ZNF574: variants seen among roughly 807,000 people sequenced by gnomAD.
ZNF574 encodes zinc finger protein 574.
A neutral mutation model predicts 56.6 loss-of-function variants in ZNF574; 25 were observed. The ratio of observed to expected loss-of-function variants is 0.44; its 90% confidence interval spans 0.32 to 0.62. The LOEUF (loss-of-function observed/expected upper bound fraction) is 0.62. ZNF574 is among the 20% of genes least tolerant of loss of function. The pLI is 0.04. For synonymous variants in ZNF574, 543 were observed against 492.1 expected, an observed-to-expected ratio of 1.10 and a Z score of -1.37; for missense variants, 1,065 against 1,218.9, an observed-to-expected ratio of 0.87 and a Z score of 1.88.
chr19:42,074,985 T>G (rs2076446418), upstream of ZNF574: 1 of 152,174 alleles, frequency 6.6e-6, no homozygotes, highest in Non-Finnish European at 1.5e-5. Flanking sequence ...CTGGGTGCAA[T>G]CAAATCTCGA....
In ZNF574 at chr19:42,079,441, C is replaced by T. The variant is rs376269644; in HGVS notation, c.835C>T (p.Arg279Cys). 1.3e-5 allele frequency: 21 copies of T among 1,613,460 alleles called. No homozygotes were observed. Among genetic ancestry groups the T allele is most frequent in the Admixed American group, 1.7e-5 (1 of 60,008 alleles). The change falls in exon 2 of 2, where the codon CGC (arginine) becomes TGC (cysteine). Residue 279 changes from arginine (R) to cysteine (C), a missense_variant. Physicochemically the swap from Arg to Cys is radical, Grantham distance 180. Transcript: ENST00000359044. This position sits in a 1 kb window ranked among gnomAD's most constrained non-coding sequence, Gnocchi z 4.3. ...AGCTTCTGACCACAGTTACGAGCTG[C>T]GCAATGGTGAAGCCATTGGGCGGGA... ...LPASDHSYEL[R>C]NGEAIGRDRR...
At position 42,080,204 on chromosome 19, in the gene ZNF574, A is replaced by G. The variant is rs377438886; in HGVS notation, c.1598A>G (p.Asn533Ser). 6.2e-7 allele frequency: 1 copy of G among 1,613,068 alleles called. No homozygotes were observed. The highest frequency in any genetic ancestry group is 1.3e-5 in the African/African-American group (1 of 74,618). The change falls in exon 2 of 2, where the codon AAC becomes AGC. Residue 533 changes from asparagine to serine, a missense_variant. Coordinates refer to ENST00000359044, the MANE Select transcript of ZNF574 (RefSeq NM_022752.6). This position sits in a 1 kb window ranked among gnomAD's most constrained non-coding sequence, Gnocchi z 8.5. Reference sequence around the variant, plus strand: ...TGCCCTGACTGCTCCAAGCCCTTCAACTCACCTGCCAACCTGGCCCGCCAC... The same window carrying G: ...TGCCCTGACTGCTCCAAGCCCTTCAGCTCACCTGCCAACCTGGCCCGCCAC... ...FPCPDCSKPFNSPANLARHRL... is the reference protein window; with the variant it reads ...FPCPDCSKPFSSPANLARHRL...
upstream of ZNF574, among the ~76,000 whole-genome samples, chr19:42,072,230 CCTTTTCTTTTTTTTTTTTTTTT>C (rs1171666851): frequency 6.7e-6 from 1 of 149,826 alleles, no homozygotes; most frequent in East Asian, 1.9e-4. Context: ...CTTTTTTTTT[CCTTTTCTTTTTTTTTTTTTTTT>C]GAGATGGAGT....
Position 42,079,279 on chromosome 19 carries a change from C to G in ZNF574, c.673C>G (p.Leu225Val). ...KCSECSQLFQ[L>V]PADFLEHQAT... ...CTCTGAGTGCTCCCAGCTCTTCCAGCTGCCGGCGGATTTCCTGGAGCACCA... is the reference window on the plus strand; with the variant it reads ...CTCTGAGTGCTCCCAGCTCTTCCAGGTGCCGGCGGATTTCCTGGAGCACCA... Residue 225 changes from leucine (L) to valine (V), a missense_variant, in exon 2 of 2, where the codon CTG (leucine) becomes GTG (valine). Physicochemically the swap from Leu to Val is conservative, Grantham distance 32 (BLOSUM62 1). Coordinates refer to ENST00000359044, the MANE Select transcript of ZNF574 (RefSeq NM_022752.6). The surrounding 1 kb of genome is among the most constrained non-coding windows in gnomAD (Gnocchi z 4.3). 6.2e-7 allele frequency: 1 copy of G among 1,614,086 alleles called. No homozygotes were observed. The highest frequency in any genetic ancestry group is 8.5e-7 in the Non-Finnish European group (1 of 1,180,008).
chr19:42,073,163 G>A (rs1290509118), upstream of ZNF574, among the ~76,000 whole-genome samples: 1 of 152,178 alleles, frequency 6.6e-6, no homozygotes, highest in Non-Finnish European at 1.5e-5. Context: ...AGACTGTAAG[G>A]TCAACTCCTG....
At position 42,080,816 on chromosome 19, in the gene ZNF574, G is replaced by A; in HGVS notation, c.2210G>A (p.Gly737Asp). 6.2e-7 allele frequency: 1 copy of A among 1,614,058 alleles called. No homozygotes were observed. Among genetic ancestry groups the A allele is most frequent in the Non-Finnish European group, 8.5e-7 (1 of 1,180,032 alleles). ...ASPAAPARRRGLECSECKKLF... is the reference protein window; with the variant it reads ...ASPAAPARRRDLECSECKKLF... ...CCTGCGGCCCCTGCCCGCCGCCGGG[G>A]TCTAGAGTGCAGCGAGTGCAAGAAG... Residue 737 changes from glycine to aspartate, a missense_variant, in exon 2 of 2, where the codon GGT (glycine) becomes GAT (aspartate). Gly to Asp is a moderately conservative substitution (Grantham distance 94). Transcript: ENST00000359044. This position sits in a 1 kb window ranked among gnomAD's most constrained non-coding sequence, Gnocchi z 8.5.
At chr19:42,078,495 T>G (rs2076470736) in intron 1 of ZNF574, 92 bp from the exon 2 acceptor site, 2 of 1,107,562 alleles carry the variant, frequency 1.8e-6, no homozygotes, top group East Asian at 4.8e-5. Context: ...TAAGGGGGTG[T>G]AGATCTAAGG....
At position 42,080,094 on chromosome 19, in the gene ZNF574, A is replaced by T. The variant is rs370123027; in HGVS notation, c.1488A>T (p.Lys496Asn). Residue 496 changes from lysine (K) to asparagine (N), a missense_variant, in exon 2 of 2, where the codon AAA (lysine) becomes AAT (asparagine). Transcript: ENST00000359044. This position sits in a 1 kb window ranked among gnomAD's most constrained non-coding sequence, Gnocchi z 8.5. ...RFVHRLERRH[K>N]CSICGKMFKK... ...TGCATCGGCTGGAGCGGCGCCATAA[A>T]TGCAGCATTTGTGGCAAGATGTTCA... 6 of 1,613,930 alleles carry T rather than the reference A, an allele frequency of 3.7e-6. No individual in the cohort carries two copies. In the African/African-American group the frequency reaches 8.0e-5, roughly 22 times the overall value.
chr19:42,068,661 G>C, exon 1 of ZNF574: 1 of 430,366 alleles, frequency 2.3e-6, no homozygotes, highest in Non-Finnish European at 4.1e-6. Context: ...CTTGGAAAGA[G>C]GGAAGCCAGG....
chr19:42,080,602 C>T lies in ZNF574; in HGVS notation c.1996C>T (p.Arg666Cys), dbSNP rs750286501. 36 of 1,612,674 alleles carry T rather than the reference C, an allele frequency of 2.2e-5. No homozygotes were observed. In the Admixed American group the frequency reaches 4.2e-4, roughly 19 times the overall value. The change falls in exon 2 of 2, where the codon CGC (arginine) becomes TGC (cysteine). Residue 666 changes from arginine to cysteine, a missense_variant. By Grantham distance (180) the Arg-to-Cys change is radical. Coordinates refer to ENST00000359044, the MANE Select transcript of ZNF574 (RefSeq NM_022752.6). This position sits in a 1 kb window ranked among gnomAD's most constrained non-coding sequence, Gnocchi z 8.5. ...AGCCGCTGCTGCCCAGGCCCCACGG[C>T]GCTTTGAGTGTGGCACCTGTGGCAA... is the stretch of plus-strand genomic sequence containing the variant. Reference protein sequence around the residue: ...CAAAAAQAPRRFECGTCGKKV... With the variant: ...CAAAAAQAPRCFECGTCGKKV...
Position 42,080,939 on chromosome 19 carries a change from G to A in ZNF574, c.2333G>A (p.Ser778Asn). Residue 778 changes from serine (S) to asparagine (N), a missense_variant, in exon 2 of 2, where the codon AGT becomes AAT. Transcript: ENST00000359044. The surrounding 1 kb of genome is among the most constrained non-coding windows in gnomAD (Gnocchi z 8.5). ...CPDCGKAFRQ[S>N]THLKDHRRLH... is the part of the protein sequence containing the mutation. ...GACTGTGGCAAAGCGTTCCGTCAGA[G>A]TACCCACCTGAAAGACCACCGGCGC... 1 of 1,613,830 alleles carries A rather than the reference G, an allele frequency of 6.2e-7. No individual in the cohort carries two copies.
intron 1 of ZNF574, among the ~76,000 whole-genome samples, chr19:42,077,453 G>A (rs1243586599): frequency 2.0e-5 from 3 of 152,098 alleles, no homozygotes; most frequent in East Asian, 1.9e-4. Flanking sequence ...AAAAGATTAG[G>A]TTAATAATGT....
chr19:42,079,355 A>G lies in ZNF574; in HGVS notation c.749A>G (p.Gln250Arg). ...CCCGAGTCTCAGGAGCCTGCCTTACAGCAGGAGGTGCAGGCCTCGTCACCT... is the reference window on the plus strand; with the variant it reads ...CCCGAGTCTCAGGAGCCTGCCTTACGGCAGGAGGTGCAGGCCTCGTCACCT... ...PVPESQEPALQQEVQASSPAE... is the reference protein window; with the variant it reads ...PVPESQEPALRQEVQASSPAE... The change falls in exon 2 of 2, where the codon CAG (glutamine) becomes CGG (arginine). Residue 250 changes from glutamine to arginine, a missense_variant. By Grantham distance (43) the Gln-to-Arg change is conservative (BLOSUM62 1). Transcript: ENST00000359044. The surrounding 1 kb of genome is among the most constrained non-coding windows in gnomAD (Gnocchi z 4.3). The G allele has an allele frequency of 6.2e-7, 1 of 1,613,510 alleles. No homozygotes were observed. The highest frequency in any genetic ancestry group is 1.1e-5 in the South Asian group (1 of 91,086).
At chr19:42,071,324 T>G, upstream of ZNF574, among the ~76,000 whole-genome samples, 1 of 151,072 alleles carries the variant, frequency 6.6e-6, no homozygotes, top group Non-Finnish European at 1.5e-5. Flanking sequence ...GGAAGAAACA[T>G]GACAGTTGGC....
In ZNF574 at chr19:42,081,466, C is replaced by T. The variant is rs2076502112; in HGVS notation, c.*169C>T. ...GAGGGGGGTGCTCTGGGGTCCTTGA[C>T]ACACATAAAGGTGCCCCCCCACCTT... is the stretch of plus-strand genomic sequence containing the variant. On this transcript the variant is annotated 3_prime_UTR_variant, in exon 2 of 2. Coordinates refer to ENST00000359044, the MANE Select transcript of ZNF574 (RefSeq NM_022752.6). 2 of 893,484 alleles carry T rather than the reference C, an allele frequency of 2.2e-6. No homozygotes were observed. The highest frequency in any genetic ancestry group is 3.5e-6 in the Non-Finnish European group (2 of 564,446). 55.3% of individuals were successfully genotyped at this position (893,484 alleles called of 1,614,324 possible).
chr19:42,077,908 G>A (rs1416970412), intron 1 of ZNF574, among the ~76,000 whole-genome samples: 1 of 152,100 alleles, frequency 6.6e-6, no homozygotes, highest in Non-Finnish European at 1.5e-5. Context: ...GGTTAGGCCA[G>A]TGTGAGAAAA....
chr19:42,081,467 A>G lies in ZNF574; in HGVS notation c.*170A>G, dbSNP rs2076502137. On this transcript the variant is annotated 3_prime_UTR_variant, in exon 2 of 2. Coordinates refer to ENST00000359044, the MANE Select transcript of ZNF574 (RefSeq NM_022752.6). Reference sequence around the variant, plus strand: ...AGGGGGGTGCTCTGGGGTCCTTGACACACATAAAGGTGCCCCCCCACCTTC... The same window carrying G: ...AGGGGGGTGCTCTGGGGTCCTTGACGCACATAAAGGTGCCCCCCCACCTTC... 2.3e-6 allele frequency: 2 copies of G among 884,546 alleles called. No individual in the cohort carries two copies. Among genetic ancestry groups the G allele is most frequent in the South Asian group, 1.6e-5 (1 of 62,654 alleles). The allele number at this position is 884,546 out of a possible 1,614,324, so 54.8% of individuals were successfully genotyped here. A position where few individuals can be genotyped will look rare whatever the true frequency, so the allele number is the denominator to read the frequency against.
upstream of ZNF574, chr19:42,074,696 A>C (rs1337371404): frequency 6.6e-6 from 1 of 152,106 alleles, no homozygotes; most frequent in Non-Finnish European, 1.5e-5. Context: ...GTGTTAGGGA[A>C]TTTAATCCAT....
In ZNF574 at chr19:42,080,704, A is replaced by G; in HGVS notation, c.2098A>G (p.Lys700Glu). 1 of 1,613,298 alleles carries G rather than the reference A, an allele frequency of 6.2e-7. No homozygotes were observed. The highest frequency in any genetic ancestry group is 8.5e-7 in the Non-Finnish European group (1 of 1,179,894). ...AAAGPGEVLA[K>E]EPPAPRAPRA... Reference sequence around the variant, plus strand: ...TGCTGGGCCTGGAGAGGTCCTGGCTAAGGAGCCCCCTGCCCCTCGAGCCCC... The same window carrying G: ...TGCTGGGCCTGGAGAGGTCCTGGCTGAGGAGCCCCCTGCCCCTCGAGCCCC... The change falls in exon 2 of 2, where the codon AAG becomes GAG. Residue 700 changes from lysine (K) to glutamate (E), a missense_variant. Physicochemically the swap from Lys to Glu is moderately conservative, Grantham distance 56 (BLOSUM62 1). Transcript: ENST00000359044. This position sits in a 1 kb window ranked among gnomAD's most constrained non-coding sequence, Gnocchi z 8.5.
Sources: allele counts gnomAD v4.1 joint callset (sites outside exome capture counted in the v4.1 genomes callset), GRCh38; gene constraint gnomAD v4.1.1; non-coding constraint Gnocchi (gnomAD v3.1); transcripts MANE v1.5; gene names NCBI Gene and HGNC (gene_info 2026-07-23, HGNC 2026-07-21).